ZSCAN5C: variants seen among roughly 807,000 people sequenced by gnomAD.
The protein encoded by ZSCAN5C is zinc finger and SCAN domain containing 5C.
In ZSCAN5C, 11 loss-of-function variants were observed where a neutral mutation model predicts 17.3. The ratio of observed to expected loss-of-function variants is 0.64; its 90% CI spans 0.40 to 1.06. ZSCAN5C has a LOEUF of 1.06. ZSCAN5C is among the 50% of genes least tolerant of loss of function. The pLI, the probability that ZSCAN5C is intolerant of heterozygous loss-of-function variation, is 0.00. For missense variants in ZSCAN5C, 698 were observed against 538.9 expected (o/e 1.30, Z -2.92); for synonymous variants, 229 against 208.4 (o/e 1.10, Z -0.85).
chr19:56,206,605 G>T (rs1351275628), intron 2 of ZSCAN5C, among the ~76,000 whole-genome samples: 2 of 151,750 alleles, frequency 1.3e-5, no homozygotes, highest in African/African-American at 4.9e-5. Flanking sequence ...ACAGGCAGAG[G>T]GGGTACAGGG....
chr19:56,207,750 C>T (rs112454950), intron 3 of ZSCAN5C, among the ~76,000 whole-genome samples: 7,997 of 151,460 alleles, frequency 0.053, 647 homozygotes, highest in African/African-American at 0.15. Flanking sequence ...AGGGTGGAGG[C>T]GGGGTCTCTG....
rs2032935386 is a variant in ZSCAN5C, at chr19:56,207,398, A to C, written c.588+136A>C. ...TTCCCCATGGACATGGTACATCCCC[A>C]AACATTCATTCCTGAGCCATCACAG... On this transcript the variant is annotated intron_variant, in intron 3 of 4. Coordinates refer to ENST00000534327, the Ensembl canonical transcript of ZSCAN5C. 33 of 571,952 alleles carry C rather than the reference A, an allele frequency of 5.8e-5. No individual in the cohort carries two copies. In the South Asian group the frequency reaches 7.7e-4, roughly 13 times the overall value. 35.4% of individuals were successfully genotyped at this position (571,952 alleles called of 1,614,324 possible). A position where few individuals can be genotyped will look rare whatever the true frequency, so the allele number is the denominator to read the frequency against.
exon 2 of ZSCAN5C, chr19:56,205,901 T>G (rs776523686): frequency 9.6e-7 from 1 of 1,039,298 alleles, no homozygotes; most frequent in African/African-American, 1.6e-5. Flanking sequence ...GATTGAAATA[T>G]TCCCCAGTAG....
At chr19:56,205,960 A>G in exon 2 of ZSCAN5C, 1 of 1,447,828 alleles carries the variant, frequency 6.9e-7, no homozygotes, top group Non-Finnish European at 9.7e-7. Flanking sequence ...GAATCCTGCA[A>G]CAGCCCTGGG....
intron 3 of ZSCAN5C, among the ~76,000 whole-genome samples, chr19:56,207,511 G>A (rs530932498): frequency 2.4e-4 from 36 of 151,556 alleles, no homozygotes; most frequent in Non-Finnish European, 2.8e-4. Flanking sequence ...GTGAAATAAC[G>A]GAGGCAGTTG....
intron 1 of ZSCAN5C, among the ~76,000 whole-genome samples, chr19:56,204,286 C>T (rs1382145030): frequency 6.6e-6 from 1 of 150,814 alleles, no homozygotes; most frequent in Non-Finnish European, 1.5e-5. Context: ...TTCTGAGGAG[C>T]TTCTATACTG....
chr19:56,208,946 A>C (rs775770619), exon 5 of ZSCAN5C: 8 of 1,613,632 alleles, frequency 5.0e-6, no homozygotes, highest in Non-Finnish European at 5.9e-6. Context: ...GAGGCCCTAC[A>C]CGTGTGACAT....
intron 1 of ZSCAN5C, among the ~76,000 whole-genome samples, chr19:56,202,688 G>A (rs2032884176): frequency 6.6e-6 from 1 of 151,900 alleles, no homozygotes; most frequent in Non-Finnish European, 1.5e-5. Context: ...CAAGTAGCAG[G>A]AACTACAGGC....
intron 3 of ZSCAN5C, 22 bp downstream of exon 3, chr19:56,207,284 G>A (rs1401738515): frequency 3.9e-6 from 3 of 764,358 alleles, no homozygotes; most frequent in Admixed American, 3.5e-5. Flanking sequence ...AGGCCTTGGT[G>A]TCTGGGCAGA....
chr19:56,208,387 A>G, intron 4 of ZSCAN5C, 62 bp from the exon 5 acceptor site: 2 of 1,046,948 alleles, frequency 1.9e-6, no homozygotes, highest in Non-Finnish European at 2.8e-6. Context: ...GTTTGGTTGC[A>G]ATGAGTTTGG....
At chr19:56,204,174 C>T (rs1405618885) in intron 1 of ZSCAN5C, among the ~76,000 whole-genome samples, 2 of 148,598 alleles carry the variant, frequency 1.3e-5, no homozygotes, top group South Asian at 4.3e-4. Context: ...CTCTATCCCT[C>T]CAGAGTTTCA....
At chr19:56,208,794 G>T in exon 5 of ZSCAN5C, 2 of 1,579,910 alleles carry the variant, frequency 1.3e-6, no homozygotes, top group Non-Finnish European at 1.7e-6. Flanking sequence ...GAGGTGTGCG[G>T]CAAGAGGTTT....
chr19:56,208,864 G>A (rs180710317), exon 5 of ZSCAN5C: 39 of 1,581,482 alleles, frequency 2.5e-5, no homozygotes, highest in South Asian at 1.8e-4. Context: ...GACTCTTTCA[G>A]TGTAATCTCT....
At chr19:56,206,862 A>T (rs1195216897) in intron 2 of ZSCAN5C, among the ~76,000 whole-genome samples, 197 bp from the exon 3 acceptor site, 1 of 151,690 alleles carries the variant, frequency 6.6e-6, no homozygotes, top group South Asian at 2.1e-4. Flanking sequence ...TGGTTTAGAG[A>T]CCCTTTCATC....
In ZSCAN5C at chr19:56,207,510, C is replaced by T. The variant is rs4801302; in HGVS notation, c.588+248C>T. 2.0e-4 allele frequency among the ~76,000 whole-genome samples: 30 copies of T among 150,956 alleles called. 1 individual carries two copies. The highest frequency in any genetic ancestry group is 1.3e-4 in the Non-Finnish European group (9 of 67,804). On this transcript the variant is annotated intron_variant, in intron 3 of 4. Transcript: ENST00000534327. ...GTAAGAAATGGTCTCGGTGAAATAA[C>T]GGAGGCAGTTGGCACAGATGAATGA...
At chr19:56,203,041 A>G (rs13382078) in intron 1 of ZSCAN5C, among the ~76,000 whole-genome samples, 2 of 151,858 alleles carry the variant, frequency 1.3e-5, no homozygotes, top group Non-Finnish European at 2.9e-5. Context: ...ATTTTTTCCC[A>G]TGTCCCATTG....
rs1023046609 is a variant in ZSCAN5C, at chr19:56,208,662, C to T, written c.953C>T (p.Pro318Leu). ...GAAGAGCCTCAAGGAGAAGCCACAC[C>T]TGTGGGCAACAGAGAATCCCCGGGA... The change falls in exon 5 of 5, where the codon CCT (proline) becomes CTT (leucine). Residue 318 changes from proline to leucine, a missense_variant. Transcript: ENST00000534327. The T allele has an allele frequency of 2.5e-6, 4 of 1,612,430 alleles. No homozygotes were observed. In the African/African-American group the frequency reaches 5.4e-5, roughly 22 times the overall value.
intron 1 of ZSCAN5C, among the ~76,000 whole-genome samples, chr19:56,205,284 A>G (rs113166193): frequency 0.022 from 3,384 of 152,024 alleles, 175 homozygotes; most frequent in African/African-American, 0.077. Flanking sequence ...TAGGAGCTTA[A>G]TCCTCATAGG....
intron 1 of ZSCAN5C, among the ~76,000 whole-genome samples, chr19:56,205,026 GA>G: frequency 6.8e-6 from 1 of 146,274 alleles, no homozygotes; most frequent in East Asian, 2.2e-4. Context: ...ATTAGGAATA[GA>G]GAAACCCTTA....
Sources: allele counts gnomAD v4.1 joint callset (sites outside exome capture counted in the v4.1 genomes callset), GRCh38; gene constraint gnomAD v4.1.1; transcripts MANE v1.5; gene names NCBI Gene and HGNC (gene_info 2026-07-23, HGNC 2026-07-21).